The following ATP6AP1 variants were observed in gnomAD, a reference collection of about 807,000 sequenced individuals.
ATP6AP1 encodes V-type proton ATPase subunit S1.
In ATP6AP1, 1 loss-of-function variant was observed where a neutral mutation model predicts 32.0. The observed-to-expected ratio is 0.03, with a 90% CI of 0.01 to 0.15. ATP6AP1 has a LOEUF of 0.15. ATP6AP1 is among the 10% of genes least tolerant of loss of function. The pLI is 1.00. For synonymous variants in ATP6AP1, 187 were observed against 174.9 expected, an observed-to-expected ratio of 1.07 and a Z score of -0.55; for missense variants, 297 against 398.8, an observed-to-expected ratio of 0.74 and a Z score of 2.17.
Position 154,429,127 on chromosome X carries a change from G to A in ATP6AP1, c.241G>A (p.Ala81Thr), listed in dbSNP as rs145311857. ...DLQLSTYLDP[A>T]LELGPRNVLL... ...GCAGCTCTCTACCTACTTAGATCCC[G>A]CCCTGGAGCTGGGTCCCAGGAATGT... Residue 81 changes from alanine to threonine, a missense_variant, in exon 2 of 10, where the codon GCC becomes ACC. By Grantham distance (58) the Ala-to-Thr change is moderately conservative. This residue lies in a region of ATP6AP1 where 142 missense variants were observed against 145.0 expected (regional missense o/e 0.98). Transcript: ENST00000369762. 4 of 1,209,844 alleles carry A rather than the reference G, an allele frequency of 3.3e-6. No individual in the cohort carries two copies. Among genetic ancestry groups the A allele is most frequent in the Non-Finnish European group, 4.5e-6 (4 of 895,068 alleles).
chrX:154,434,162 A>G (rs1557197264), intron 6 of ATP6AP1, 46 bp from the exon 7 acceptor site: 3 of 1,163,750 alleles, frequency 2.6e-6, no homozygotes, highest in Non-Finnish European at 1.2e-6. Context: ...CAAGTGTGAC[A>G]CTCTCCCAGG....
chrX:154,432,602 G>C, intron 4 of ATP6AP1, 143 bp downstream of exon 4: 5 of 880,366 alleles, frequency 5.7e-6, no homozygotes, highest in Non-Finnish European at 7.7e-6. Context: ...GCCCTGTGTG[G>C]CCAGAAGAGG....
rs782180502 is a variant in ATP6AP1 at position 154,435,277 on chromosome X, C to T, written c.975C>T (p.Phe325=). The T allele has an allele frequency of 8.3e-7, 1 of 1,211,580 alleles. No individual in the cohort carries two copies. Among genetic ancestry groups the T allele is most frequent in the Non-Finnish European group, 1.1e-6 (1 of 895,280 alleles). ...RLFGTTVTFK[F]ILANRLYPVS... ...ACATCCCTGCCACCTTCCCCAGGTT[C>T]ATTCTGGCCAACCGCCTCTACCCAG... is the stretch of plus-strand genomic sequence containing the variant. The change falls in exon 9 of 10, where the codon TTC becomes TTT. Residue 325 remains phenylalanine (F), a synonymous_variant. Transcript: ENST00000369762.
rs142472086 is a variant in ATP6AP1 at position 154,432,370 on chromosome X, C to T, written c.468C>T (p.Pro156=). 4 of 1,210,771 alleles carry T rather than the reference C, an allele frequency of 3.3e-6. No individual in the cohort carries two copies. The highest frequency in any genetic ancestry group is 3.5e-5 in the African/African-American group (2 of 57,670). Residue 156 remains proline (P), a synonymous_variant, in exon 4 of 10, where the codon CCC becomes CCT. Coordinates refer to ENST00000369762, the MANE Select transcript of ATP6AP1 (RefSeq NM_001183.6). ...TGCAGGAGAAGCTCGGGGCCAGCCC[C>T]TTGCATGTGGACCTGGCCACCCTGC... ...TYLQEKLGAS[P]LHVDLATLRE...
intron 5 of ATP6AP1, 105 bp from the exon 6 acceptor site, chrX:154,433,530 C>T: frequency 1.2e-6 from 1 of 838,750 alleles, no homozygotes; most frequent in Non-Finnish European, 1.8e-6. Context: ...AGTAAACACA[C>T]CACTTTCAGA....
rs1569553310 is a variant in ATP6AP1 at position 154,435,435 on chromosome X, G to A, written c.1133G>A (p.Ser378Asn). 8.2e-7 allele frequency: 1 copy of A among 1,212,348 alleles called. No homozygotes were observed. The highest frequency in any genetic ancestry group is 3.0e-5 in the East Asian group (1 of 33,875). The change falls in exon 9 of 10, where the codon AGC (serine) becomes AAC (asparagine). Residue 378 changes from serine to asparagine, a missense_variant. This residue lies in a region of ATP6AP1 where 155 missense variants were observed against 253.8 expected (regional missense o/e 0.61). Transcript: ENST00000369762. Reference sequence around the variant, plus strand: ...CACTGCGAGTATGTCAGCAGCCTGAGCAAGAAGGGTAGTCTCCTCGTGGCC... The same window carrying A: ...CACTGCGAGTATGTCAGCAGCCTGAACAAGAAGGGTAGTCTCCTCGTGGCC... ...SFHCEYVSSL[S>N]KKGSLLVART... is the part of the protein sequence containing the mutation.
chrX:154,431,391 A>G (rs936605971), intron 2 of ATP6AP1: 2 of 139,062 alleles, frequency 1.4e-5, no homozygotes, highest in Non-Finnish European at 2.8e-5. Context: ...CTTCCGCCAA[A>G]AGCAGGTGGG....
Position 154,435,695 on chromosome X carries a change from A to G in ATP6AP1, c.1217A>G (p.Asn406Ser). ...MLQDFQIQAF[N>S]VMGEQFSYAS... is the part of the protein sequence containing the mutation. Reference sequence around the variant, plus strand: ...TGTGTCTGCCAGATCCAGGCTTTCAACGTAATGGGGGAGCAGTTCTCCTAC... The same window carrying G: ...TGTGTCTGCCAGATCCAGGCTTTCAGCGTAATGGGGGAGCAGTTCTCCTAC... Residue 406 changes from asparagine to serine, a missense_variant, in exon 10 of 10, where the codon AAC becomes AGC. Asn to Ser is a conservative substitution (Grantham distance 46). This residue lies in a region of ATP6AP1 where 155 missense variants were observed against 253.8 expected (regional missense o/e 0.61). Coordinates refer to ENST00000369762, the MANE Select transcript of ATP6AP1 (RefSeq NM_001183.6). 8.3e-7 allele frequency: 1 copy of G among 1,211,296 alleles called. No individual in the cohort carries two copies. Among genetic ancestry groups the G allele is most frequent in the Non-Finnish European group, 1.1e-6 (1 of 895,367 alleles).
chrX:154,432,193 G>A, intron 3 of ATP6AP1, 73 bp from the exon 4 acceptor site: 1 of 1,002,623 alleles, frequency 1.0e-6, no homozygotes, highest in Non-Finnish European at 1.4e-6. Context: ...AGAGCTGCCA[G>A]AGAGGTGTGG....
chrX:154,435,597 G>A, intron 9 of ATP6AP1, 85 bp from the exon 10 acceptor site: 2 of 1,169,520 alleles, frequency 1.7e-6, no homozygotes, highest in Non-Finnish European at 2.3e-6. Flanking sequence ...ATGTAGTTGA[G>A]AGTCCTGTCC....
chrX:154,435,085 A>G (rs368582210), intron 7 of ATP6AP1, 54 bp from the exon 8 acceptor site: 2 of 1,173,856 alleles, frequency 1.7e-6, no homozygotes. Context: ...TTCCTCTAAG[A>G]TGCCAAAGGC....
intron 5 of ATP6AP1, among the ~76,000 whole-genome samples, chrX:154,433,364 G>T (rs1271358384): frequency 8.9e-6 from 1 of 112,503 alleles, no homozygotes; most frequent in Non-Finnish European, 1.9e-5. Context: ...TTTCATGGGT[G>T]GATGTGGAGT....
At chrX:154,433,192 G>A (rs1003273303) in intron 5 of ATP6AP1, among the ~76,000 whole-genome samples, 3 of 112,038 alleles carry the variant, frequency 2.7e-5, no homozygotes, top group Non-Finnish European at 5.7e-5. Context: ...AGAGGGGGGC[G>A]GCTCTCTGTG....
rs1253717800 is a variant in ATP6AP1, at chrX:154,428,806, G to A, written c.114G>A (p.Ala38=). 8.1e-6 allele frequency: 9 copies of A among 1,114,957 alleles called. No homozygotes were observed. Among genetic ancestry groups the A allele is most frequent in the East Asian group, 7.3e-5 (2 of 27,580 alleles). The allele number at this position is 1,114,957 out of a possible 1,213,427, so 91.9% of individuals were successfully genotyped here. ...TGTCGTTGGCGGCGGCGGCGGCGGC[G>A]GCAGCGGCGGAGCAGCAGGTCCCGC... ...VFLSLAAAAA[A]AAAEQQVPLV... Residue 38 remains alanine, a synonymous_variant, in exon 1 of 10, where the codon GCG becomes GCA. Transcript: ENST00000369762.
intron 3 of ATP6AP1, 25 bp downstream of exon 3, chrX:154,431,929 G>C (rs782435833): frequency 7.6e-5 from 91 of 1,192,566 alleles, no homozygotes; most frequent in Non-Finnish European, 1.0e-4. Flanking sequence ...CCAGCCAGGG[G>C]CCATGGGGGA....
chrX:154,432,637 A>G (rs782320998), intron 4 of ATP6AP1, among the ~76,000 whole-genome samples, 178 bp downstream of exon 4: 29 of 112,426 alleles, frequency 2.6e-4, no homozygotes, highest in African/African-American at 9.4e-4. Context: ...TCTGTGACTC[A>G]GGAGTTGGTG....
At position 154,434,398 on chromosome X, in the gene ATP6AP1, T is replaced by C. The variant is rs2068708985; in HGVS notation, c.875T>C (p.Val292Ala). Reference protein sequence around the residue: ...WEDLTPLTFGVQELNLTGSFW... With the variant: ...WEDLTPLTFGAQELNLTGSFW... ...GACCTGACTCCCCTCACCTTTGGGG[T>C]GCAGGAACTCAACCTGACTGGCTCC... Residue 292 changes from valine to alanine, a missense_variant, in exon 7 of 10, where the codon GTG (valine) becomes GCG (alanine). By Grantham distance (64) the Val-to-Ala change is moderately conservative. Coordinates refer to ENST00000369762, the MANE Select transcript of ATP6AP1 (RefSeq NM_001183.6). The C allele has an allele frequency of 8.3e-7, 1 of 1,211,543 alleles. No homozygotes were observed. Among genetic ancestry groups the C allele is most frequent in the Non-Finnish European group, 1.1e-6 (1 of 895,367 alleles).
chrX:154,430,520 C>G (rs1276252960), intron 2 of ATP6AP1: 3 of 112,223 alleles, frequency 2.7e-5, no homozygotes, highest in African/African-American at 9.7e-5. Context: ...GGAAAGCCTA[C>G]TATGTGCCAG....
rs782556781 is a variant in ATP6AP1, at chrX:154,432,862, G to A, written c.558-69G>A. 41 of 1,150,641 alleles carry A rather than the reference G, an allele frequency of 3.6e-5. No homozygotes were observed. In the East Asian group the frequency reaches 5.7e-4, roughly 16 times the overall value. The allele number at this position is 1,150,641 out of a possible 1,213,427, so 94.8% of individuals were successfully genotyped here. ...CTAGTGGGGAGGAGAAGCTGGGGTC[G>A]GGGAAGGGTAGTGGGCAGTGCAGGT... is the stretch of plus-strand genomic sequence containing the variant. On this transcript the variant is annotated intron_variant, in intron 4 of 9. Transcript: ENST00000369762.
Sources: allele counts gnomAD v4.1 joint callset (sites outside exome capture counted in the v4.1 genomes callset), GRCh38; gene constraint gnomAD v4.1.1; regional missense constraint gnomAD v4.1.1; transcripts MANE v1.5; gene names NCBI Gene and HGNC (gene_info 2026-07-23, HGNC 2026-07-21).